DENND4A: variants seen among roughly 807,000 people sequenced by gnomAD.
DENND4A encodes C-myc promoter-binding protein.
A neutral mutation model predicts 199.3 loss-of-function variants in DENND4A; 70 were observed. The ratio of observed to expected loss-of-function variants is 0.35; its 90% CI spans 0.29 to 0.43. The LOEUF (loss-of-function observed/expected upper bound fraction) is 0.43. Ranked by LOEUF, DENND4A falls within the 20% of genes least tolerant of loss-of-function variation. The pLI, the probability that DENND4A is intolerant of heterozygous loss-of-function variation, is 1.00. For missense variants in DENND4A, 1,723 were observed against 2,255.8 expected (o/e 0.76, Z 4.78); for synonymous variants, 686 against 766.9 (o/e 0.89, Z 1.74).
At chr15:65,764,719 A>G (rs892108667) in intron 1 of DENND4A, among the ~76,000 whole-genome samples, 16 of 152,152 alleles carry the variant, frequency 1.1e-4, no homozygotes, top group African/African-American at 3.9e-4. Flanking sequence ...CATGCCTGTA[A>G]TCCCAGCACT....
At chr15:65,724,702 T>A (rs1026442635) in intron 11 of DENND4A, among the ~76,000 whole-genome samples, 2 of 152,198 alleles carry the variant, frequency 1.3e-5, no homozygotes, top group Non-Finnish European at 2.9e-5. Context: ...TAGGGCAAAG[T>A]CAAACTGCAG....
intron 1 of DENND4A, among the ~76,000 whole-genome samples, chr15:65,791,648 C>A (rs1009075332): frequency 6.6e-6 from 1 of 152,138 alleles, no homozygotes; most frequent in African/African-American, 2.4e-5. Context: ...GAAGCCACCT[C>A]CGACTTACGT....
chr15:65,788,162 C>T (rs1596720258), intron 1 of DENND4A, among the ~76,000 whole-genome samples: 1 of 151,908 alleles, frequency 6.6e-6, no homozygotes, highest in African/African-American at 2.4e-5. Context: ...CTGCAAGCTC[C>T]GCCTCCCAGG....
chr15:65,692,173 T>C (rs2076996291), intron 22 of DENND4A, among the ~76,000 whole-genome samples: 1 of 151,996 alleles, frequency 6.6e-6, no homozygotes, highest in Non-Finnish European at 1.5e-5. Context: ...AAAATAGAAG[T>C]ATGTTAACTT....
chr15:65,759,289 C>A (rs2076791661), intron 2 of DENND4A, among the ~76,000 whole-genome samples: 1 of 152,058 alleles, frequency 6.6e-6, no homozygotes, highest in Admixed American at 6.5e-5. Context: ...CCAGCCTGGC[C>A]AATATGGTGA....
chr15:65,761,997 TTTG>T (rs1177715979), intron 1 of DENND4A, among the ~76,000 whole-genome samples: 1 of 152,204 alleles, frequency 6.6e-6, no homozygotes, highest in Non-Finnish European at 1.5e-5. Flanking sequence ...AAAGATGTTT[TTTG>T]TTGTTGTTAT....
At chr15:65,693,535 C>A (rs1378798298) in intron 22 of DENND4A, among the ~76,000 whole-genome samples, 2 of 151,944 alleles carry the variant, frequency 1.3e-5, no homozygotes, top group African/African-American at 4.8e-5. Context: ...TTTCTCAGAT[C>A]TTTGAACACG....
chr15:65,774,427 T>C (rs921004203), intron 1 of DENND4A, among the ~76,000 whole-genome samples: 3 of 152,068 alleles, frequency 2.0e-5, no homozygotes, highest in Non-Finnish European at 2.9e-5. Context: ...GAGGTGGAGG[T>C]TGCGGTGAGC....
rs746081298 is a variant in DENND4A, at chr15:65,701,199, A to T, written c.2560-7T>A. On this transcript the variant is annotated splice_polypyrimidine_tract_variant and splice_region_variant and intron_variant, in intron 18 of 32. Coordinates refer to ENST00000443035, the MANE Select transcript of DENND4A (RefSeq NM_001320835.1). ...AGGTACTTTCCAAAACAGCCTATTC[A>T]TTCAACAAAATAAAATAATTAGTAA... 2 of 1,547,254 alleles carry T rather than the reference A, an allele frequency of 1.3e-6. No individual in the cohort carries two copies. Among genetic ancestry groups the T allele is most frequent in the Non-Finnish European group, 1.7e-6 (2 of 1,153,426 alleles).
intron 14 of DENND4A, among the ~76,000 whole-genome samples, chr15:65,711,345 T>C (rs1284321112): frequency 2.0e-5 from 3 of 152,064 alleles, no homozygotes; most frequent in Non-Finnish European, 4.4e-5. Context: ...CAACAAAAAA[T>C]TAGCCAGGCA....
At chr15:65,677,451 C>G (rs978699388) in intron 23 of DENND4A, among the ~76,000 whole-genome samples, 1 of 152,150 alleles carries the variant, frequency 6.6e-6, no homozygotes, top group South Asian at 2.1e-4. Context: ...TCAAGTGATC[C>G]ACCTGCCTTG....
chr15:65,731,540 A>C (rs978477527), intron 9 of DENND4A, 102 bp downstream of exon 9: 15 of 878,746 alleles, frequency 1.7e-5, no homozygotes, highest in Non-Finnish European at 2.7e-5. Flanking sequence ...GTTAAATGAG[A>C]AGTATTTCCA....
At chr15:65,711,437 A>T (rs769127801) in intron 14 of DENND4A, among the ~76,000 whole-genome samples, 14 of 152,144 alleles carry the variant, frequency 9.2e-5, no homozygotes, top group Non-Finnish European at 2.1e-4. Context: ...AGTCTGCAGT[A>T]AGCTGAGATC....
At chr15:65,716,973 G>A (rs990263732) in intron 13 of DENND4A, among the ~76,000 whole-genome samples, 21 of 152,092 alleles carry the variant, frequency 1.4e-4, no homozygotes, top group African/African-American at 3.9e-4. Context: ...TTGTGGTTTC[G>A]ATTTGCATTG....
intron 1 of DENND4A, among the ~76,000 whole-genome samples, chr15:65,763,351 TGAGAAGTGGAA>T (rs1192798757): frequency 6.6e-6 from 1 of 151,970 alleles, no homozygotes; most frequent in African/African-American, 2.4e-5. Flanking sequence ...TGTGTGTCTG[TGAGAAGTGGAA>T]GAGAAGGGGG....
chr15:65,709,426 C>T (rs971626494), intron 14 of DENND4A, among the ~76,000 whole-genome samples: 2 of 152,052 alleles, frequency 1.3e-5, no homozygotes, highest in African/African-American at 4.8e-5. Flanking sequence ...ACATTTTGAG[C>T]CGGGCACGGC....
At chr15:65,662,309 GT>G (rs1231638270) in intron 32 of DENND4A, among the ~76,000 whole-genome samples, 1 of 151,836 alleles carries the variant, frequency 6.6e-6, no homozygotes, top group South Asian at 2.1e-4. Context: ...TTGACAAAAA[GT>G]TTTTTTGCCC....
At position 65,707,689 on chromosome 15, in the gene DENND4A, A is replaced by ATT. The variant is rs199600831; in HGVS notation, c.1954-1467_1954-1466dup. Among the ~76,000 whole-genome samples, 264 of 144,660 alleles carry ATT rather than the reference A, an allele frequency of 1.8e-3. 1 individual carries two copies. The highest frequency in any genetic ancestry group is 5.9e-3 in the African/African-American group (235 of 39,696). 94.9% of individuals were successfully genotyped at this position (144,660 alleles called of 152,430 possible). On this transcript the variant is annotated intron_variant, in intron 14 of 32. Coordinates refer to ENST00000443035, the MANE Select transcript of DENND4A (RefSeq NM_001320835.1). ...ACTACTAAATCGTATACATATTATGATTTTTTTTTTTTTTTGAGACAGAGT... is the reference window on the plus strand; with the variant it reads ...ACTACTAAATCGTATACATATTATGATTTTTTTTTTTTTTTTTGAGACAGAGT...
Position 65,701,910 on chromosome 15 carries a change from T to G in DENND4A, c.2431-20A>C, listed in dbSNP as rs942989875. On this transcript the variant is annotated intron_variant, in intron 17 of 32. Transcript: ENST00000443035. Reference sequence around the variant, plus strand: ...GCATACCTGAAATACAAGTTCAAAATTGTACCGAAACACAGATGTCACCAT... The same window carrying G: ...GCATACCTGAAATACAAGTTCAAAAGTGTACCGAAACACAGATGTCACCAT... 1 of 1,613,164 alleles carries G rather than the reference T, an allele frequency of 6.2e-7. No homozygotes were observed. Among genetic ancestry groups the G allele is most frequent in the Non-Finnish European group, 8.5e-7 (1 of 1,179,488 alleles).
Sources: gnomAD v4.1 joint callset for allele counts (sites outside exome capture counted in the v4.1 genomes callset) on GRCh38, gnomAD v4.1.1 for gene constraint, MANE v1.5 for transcripts, NCBI Gene and HGNC (gene_info 2026-07-23, HGNC 2026-07-21) for gene names.